The following ZNF33A variants were observed in gnomAD, a reference collection of about 807,000 sequenced individuals.
ZNF33A encodes zinc finger protein 33A.
In ZNF33A, 9 loss-of-function variants were observed where a neutral mutation model predicts 15.9. The observed-to-expected ratio is 0.57, with a 90% CI of 0.34 to 0.99. ZNF33A has a LOEUF of 0.99. Among genes scored for constraint, ZNF33A ranks in the 50% least tolerant of loss-of-function variants. The pLI is 0.02. For missense variants in ZNF33A, 843 were observed against 941.6 expected, an observed-to-expected ratio of 0.90 and a Z score of 1.37; for synonymous variants, 294 against 324.2, an observed-to-expected ratio of 0.91 and a Z score of 1.00.
intron 4 of ZNF33A, among the ~76,000 whole-genome samples, chr10:38,025,007 A>G (rs1387201679): frequency 6.6e-6 from 1 of 152,220 alleles, no homozygotes; most frequent in African/African-American, 2.4e-5. Context: ...ATGATAGCAT[A>G]TTGTTATAAC....
rs760812895 is a variant in ZNF33A at position 38,017,387 on chromosome 10, G to A, written c.250+1G>A. 1.4e-4 allele frequency: 221 copies of A among 1,611,814 alleles called. No individual in the cohort carries two copies. The highest frequency in any genetic ancestry group is 4.8e-4 in the South Asian group (44 of 91,036). On this transcript the variant is annotated splice_donor_variant, in intron 4 of 4. Coordinates refer to ENST00000432900, the MANE Select transcript of ZNF33A (RefSeq NM_006954.2). LOFTEE classifies it high-confidence loss of function. ...GAATTCCCAAGCCAAAGCTTTCCAG[G>A]TGAGTTAATATGTACTGCACAGATT...
At chr10:38,054,255 C>G in intron 4 of ZNF33A, 120 bp from the exon 5 acceptor site, 1 of 1,052,686 alleles carries the variant, frequency 9.5e-7, no homozygotes, top group East Asian at 2.8e-5. Context: ...CAATTATGTT[C>G]ATCTCTGGAA....
intron 4 of ZNF33A, among the ~76,000 whole-genome samples, chr10:38,052,684 A>G (rs1232072072): frequency 1.3e-5 from 2 of 152,238 alleles, no homozygotes; most frequent in African/African-American, 4.8e-5. Flanking sequence ...TTTGAAAAAT[A>G]AAAGCTGAGT....
intron 4 of ZNF33A, among the ~76,000 whole-genome samples, chr10:38,047,664 A>T (rs12415742): frequency 1.4e-5 from 2 of 142,508 alleles, no homozygotes; most frequent in Non-Finnish European, 1.5e-5. Flanking sequence ...AAAAAAAAAA[A>T]GCAAGCCCCT....
chr10:38,015,207 A>G (rs1408046113), intron 2 of ZNF33A, among the ~76,000 whole-genome samples: 6 of 151,982 alleles, frequency 3.9e-5, no homozygotes, highest in Middle Eastern at 3.2e-3. Flanking sequence ...TTCTTTCCCC[A>G]GTTTTCTGAC....
chr10:38,063,034 AGGAAAAGTATCCTGTGCC>A (rs2066673401), downstream of ZNF33A, among the ~76,000 whole-genome samples: 2 of 136,452 alleles, frequency 1.5e-5, no homozygotes, highest in Non-Finnish European at 3.2e-5. Flanking sequence ...AAAAAAAAAG[AGGAAAAGTATCCTGTGCC>A]GGTCATCTGG....
At chr10:38,032,155 A>G (rs1271168580) in intron 4 of ZNF33A, among the ~76,000 whole-genome samples, 1 of 152,110 alleles carries the variant, frequency 6.6e-6, no homozygotes, top group Non-Finnish European at 1.5e-5. Flanking sequence ...GGGAAGTCAA[A>G]TTGTCATTTT....
chr10:38,063,955 G>A, downstream of ZNF33A: 1 of 722,294 alleles, frequency 1.4e-6, no homozygotes, highest in Non-Finnish European at 2.2e-6. Context: ...CCACTGCCTG[G>A]TGTCTGTGGT....
At chr10:38,043,072 C>T (rs2065780542) in intron 4 of ZNF33A, among the ~76,000 whole-genome samples, 2 of 152,028 alleles carry the variant, frequency 1.3e-5, no homozygotes, top group Non-Finnish European at 2.9e-5. Context: ...AACTTCTTTT[C>T]TTTCTTTTAT....
rs530986675 is a variant in ZNF33A, at chr10:38,059,754, G to C, written c.*3194G>C. 1 of 152,196 alleles carries C rather than the reference G, an allele frequency of 6.6e-6. No homozygotes were observed. The highest frequency in any genetic ancestry group is 1.5e-5 in the Non-Finnish European group (1 of 68,044). 9.4% of individuals were successfully genotyped at this position (152,196 alleles called of 1,614,324 possible). On this transcript the variant is annotated 3_prime_UTR_variant, in exon 5 of 5. Transcript: ENST00000432900. ...AGAGGTGATTTTTAAGGCAGTGAAAGTACTCTCTAGGGTACTGTAATTTGT... is the reference window on the plus strand; with the variant it reads ...AGAGGTGATTTTTAAGGCAGTGAAACTACTCTCTAGGGTACTGTAATTTGT...
At chr10:38,044,488 G>T (rs570913047) in intron 4 of ZNF33A, among the ~76,000 whole-genome samples, 3 of 152,042 alleles carry the variant, frequency 2.0e-5, no homozygotes, top group African/African-American at 7.2e-5. Flanking sequence ...GGGATTTCAG[G>T]CATGAGCCAC....
intron 4 of ZNF33A, 183 bp downstream of exon 4, chr10:38,017,569 C>T (rs2064517673): frequency 4.4e-6 from 2 of 451,302 alleles, no homozygotes; most frequent in Non-Finnish European, 8.0e-6. Flanking sequence ...CAAAAAATTC[C>T]TCCTTTTTGA....
At chr10:38,020,080 C>A (rs1357346919) in intron 4 of ZNF33A, among the ~76,000 whole-genome samples, 1 of 151,898 alleles carries the variant, frequency 6.6e-6, no homozygotes, top group African/African-American at 2.4e-5. Context: ...ATAAATAAAC[C>A]AAGATGGAAT....
At position 38,056,537 on chromosome 10, in the gene ZNF33A, G is replaced by C. The variant is rs10508862; in HGVS notation, c.2413G>C (p.Asp805His). Reference sequence around the variant, plus strand: ...GTATTCACACTGTGGAGAAAGCCCTGATGACATCCTGAATGTTCAGTAACT... The same window carrying C: ...GTATTCACACTGTGGAGAAAGCCCTCATGACATCCTGAATGTTCAGTAACT... Reference protein sequence around the residue: ...SEYSHCGESPDDILNVQ With the variant: ...SEYSHCGESPHDILNVQ Residue 805 changes from aspartate to histidine, a missense_variant, in exon 5 of 5, where the codon GAT becomes CAT. By Grantham distance (81) the Asp-to-His change is moderately conservative. Coordinates refer to ENST00000432900, the MANE Select transcript of ZNF33A (RefSeq NM_006954.2). The C allele has an allele frequency of 0.075, 117,949 of 1,580,052 alleles. 4,980 individuals are homozygous for C. The highest frequency in any genetic ancestry group is 0.087 in the Non-Finnish European group (101,118 of 1,164,864).
intron 4 of ZNF33A, among the ~76,000 whole-genome samples, chr10:38,047,747 A>G (rs886664359): frequency 5.9e-5 from 9 of 151,934 alleles, no homozygotes; most frequent in African/African-American, 2.2e-4. Context: ...AAGTGGGAAA[A>G]GAACAGAAAA....
chr10:38,020,660 G>A (rs1449234512), intron 4 of ZNF33A, among the ~76,000 whole-genome samples: 2 of 152,198 alleles, frequency 1.3e-5, no homozygotes, highest in Non-Finnish European at 2.9e-5. Flanking sequence ...CATATGACAG[G>A]ATCTCTCATT....
Position 38,012,412 on chromosome 10 carries a change from C to G in ZNF33A, c.9+62C>G, listed in dbSNP as rs189027488. ...TGGACTTTGTGAGATTTGTAAGAGT[C>G]GATATGGTGTTTGTTTTTTTTTTTT... On this transcript the variant is annotated intron_variant, in intron 2 of 4. Coordinates refer to ENST00000432900, the MANE Select transcript of ZNF33A (RefSeq NM_006954.2). 1.2e-3 allele frequency: 1,203 copies of G among 990,146 alleles called. 13 individuals carry two copies. In the African/African-American group the frequency reaches 0.018, roughly 15 times the overall value. The allele number at this position is 990,146 out of a possible 1,614,324, so 61.3% of individuals were successfully genotyped here.
intron 4 of ZNF33A, among the ~76,000 whole-genome samples, chr10:38,051,264 T>C (rs1419166334): frequency 6.6e-6 from 1 of 152,196 alleles, no homozygotes; most frequent in African/African-American, 2.4e-5. Context: ...TCACGAAGAA[T>C]TAATTTCAGA....
intron 4 of ZNF33A, among the ~76,000 whole-genome samples, chr10:38,025,685 A>G (rs4934928): frequency 0.06 from 9,123 of 152,366 alleles, 354 homozygotes; most frequent in Middle Eastern, 0.095. Context: ...TGGCAGCCGA[A>G]GCTAAGACAT....
Sources: allele counts gnomAD v4.1 joint callset (sites outside exome capture counted in the v4.1 genomes callset), GRCh38; gene constraint gnomAD v4.1.1; transcripts MANE v1.5; gene names NCBI Gene and HGNC (gene_info 2026-07-23, HGNC 2026-07-21).